Variants in SLIT2 observed in about 807,000 individuals in gnomAD.
SLIT2 encodes the protein slit homolog 2 protein.
In SLIT2, 41 loss-of-function variants were observed where a neutral mutation model predicts 185.7. The observed-to-expected ratio is 0.22, with a 90% confidence interval of 0.17 to 0.29. The LOEUF (loss-of-function observed/expected upper bound fraction) is 0.29, where lower values mean the gene tolerates loss of function less well. Ranked by LOEUF, SLIT2 falls within the 10% of genes least tolerant of loss-of-function variation. The probability of loss-of-function intolerance (pLI) is 1.00; values close to 1 mark genes in which losing one functional copy is unlikely to be tolerated. For missense variants in SLIT2, 1,571 were observed against 1,909.0 expected (o/e 0.82, Z 3.30); for synonymous variants, 693 against 680.2 (o/e 1.02, Z -0.29).
chr4:20,443,514 A>G (rs779795326), intron 4 of SLIT2, among the ~76,000 whole-genome samples: 1 of 145,838 alleles, frequency 6.9e-6, no homozygotes, highest in Admixed American at 7.3e-5. Context: ...TCATTCATTC[A>G]TTCATCACAA....
At chr4:20,348,030 T>C (rs1721566002) in intron 4 of SLIT2, among the ~76,000 whole-genome samples, 1 of 152,254 alleles carries the variant, frequency 6.6e-6, no homozygotes, top group Non-Finnish European at 1.5e-5. Context: ...TGGATGCTGT[T>C]GGTATAATCT....
At chr4:20,566,816 TAC>T (rs1332556299) in intron 26 of SLIT2, among the ~76,000 whole-genome samples, 1 of 152,168 alleles carries the variant, frequency 6.6e-6, no homozygotes, top group Non-Finnish European at 1.5e-5. Context: ...TGTATTTAAT[TAC>T]AGTGTTAAAT....
At chr4:20,554,001 G>T in intron 26 of SLIT2, 33 bp downstream of exon 26, 1 of 1,504,232 alleles carries the variant, frequency 6.6e-7, no homozygotes, top group Non-Finnish European at 9.0e-7. Flanking sequence ...TTTCTTTTAA[G>T]AATTACTATA....
intron 4 of SLIT2, among the ~76,000 whole-genome samples, chr4:20,330,264 T>G (rs1163904815): frequency 2.0e-5 from 3 of 152,028 alleles, no homozygotes; most frequent in African/African-American, 7.2e-5. Context: ...ATGGCTCAAA[T>G]TAGAAGGTCC....
At chr4:20,380,036 G>C (rs1480786932) in intron 4 of SLIT2, among the ~76,000 whole-genome samples, 2 of 152,118 alleles carry the variant, frequency 1.3e-5, no homozygotes, top group Non-Finnish European at 1.5e-5. Flanking sequence ...TGACTGTGAT[G>C]AAACTAGGTA....
In SLIT2 at chr4:20,589,649, T is replaced by C. The variant is rs1369788494; in HGVS notation, c.3094T>C (p.Leu1032=). 1.2e-6 allele frequency: 2 copies of C among 1,613,558 alleles called. No individual in the cohort carries two copies. Among genetic ancestry groups the C allele is most frequent in the Non-Finnish European group, 1.7e-6 (2 of 1,179,662 alleles). The part of the protein sequence containing the change: ...CLCPPEYTGE[L]CEEKLDFCAQ... Reference sequence around the variant, plus strand: ...CACTGTTTGCCCTGTTGCAGGTGAGTTGTGTGAGGAGAAGCTGGACTTCTG... The same window carrying C: ...CACTGTTTGCCCTGTTGCAGGTGAGCTGTGTGAGGAGAAGCTGGACTTCTG... Residue 1032 remains leucine, a synonymous_variant, in exon 30 of 37, where the codon TTG becomes CTG. Coordinates refer to ENST00000504154, the MANE Select transcript of SLIT2 (RefSeq NM_004787.4).
chr4:20,363,487 G>T (rs977800290), intron 4 of SLIT2, among the ~76,000 whole-genome samples: 2 of 152,048 alleles, frequency 1.3e-5, no homozygotes, highest in African/African-American at 4.8e-5. Context: ...GTAAAAGTAG[G>T]ACCACCTGTT....
chr4:20,256,604 T>A, intron 1 of SLIT2, 68 bp from the exon 2 acceptor site: 1 of 799,860 alleles, frequency 1.3e-6, no homozygotes, highest in South Asian at 1.6e-5. Flanking sequence ...TGATTTACTC[T>A]AAACTTTACT....
intron 9 of SLIT2, among the ~76,000 whole-genome samples, chr4:20,504,362 C>T (rs1390794545): frequency 3.9e-5 from 6 of 152,216 alleles, no homozygotes; most frequent in Admixed American, 1.3e-4. Flanking sequence ...ATGGAGAAAA[C>T]GCGAAGAAGT....
At chr4:20,518,147 A>G (rs990195293) in intron 11 of SLIT2, among the ~76,000 whole-genome samples, 4 of 146,276 alleles carry the variant, frequency 2.7e-5, no homozygotes, top group Non-Finnish European at 6.0e-5. Context: ...ATATTTATAT[A>G]TATACATATA....
At chr4:20,371,963 A>G (rs1262773558) in intron 4 of SLIT2, among the ~76,000 whole-genome samples, 1 of 152,238 alleles carries the variant, frequency 6.6e-6, no homozygotes, top group Non-Finnish European at 1.5e-5. Flanking sequence ...ACTGCTTTTT[A>G]GGACTATTCT....
At chr4:20,376,361 T>C (rs1164067768) in intron 4 of SLIT2, among the ~76,000 whole-genome samples, 1 of 152,002 alleles carries the variant, frequency 6.6e-6, no homozygotes, top group East Asian at 1.9e-4. Context: ...CAGTGACCCA[T>C]AGATGACCCT....
At chr4:20,287,911 T>C (rs903177035) in intron 4 of SLIT2, among the ~76,000 whole-genome samples, 2 of 152,174 alleles carry the variant, frequency 1.3e-5, no homozygotes, top group African/African-American at 4.8e-5. Context: ...TATGTATTGA[T>C]GTTTAAGTTT....
intron 4 of SLIT2, among the ~76,000 whole-genome samples, chr4:20,413,639 AATG>A (rs1727426069): frequency 6.6e-6 from 1 of 151,996 alleles, no homozygotes; most frequent in Non-Finnish European, 1.5e-5. Context: ...GTGTCATGTT[AATG>A]ATTTTCATGT....
intron 4 of SLIT2, among the ~76,000 whole-genome samples, chr4:20,272,818 C>T (rs571510719): frequency 6.6e-6 from 1 of 151,518 alleles, no homozygotes; most frequent in South Asian, 2.1e-4. Context: ...TTCTCTACTT[C>T]TTTGAATGAA....
At chr4:20,483,970 T>A (rs1482913029) in intron 6 of SLIT2, among the ~76,000 whole-genome samples, 1 of 152,080 alleles carries the variant, frequency 6.6e-6, no homozygotes, top group Non-Finnish European at 1.5e-5. Context: ...TGAGTATCAG[T>A]ATCAGTACTT....
intron 6 of SLIT2, among the ~76,000 whole-genome samples, chr4:20,485,844 C>A (rs1028456328): frequency 6.6e-6 from 1 of 152,158 alleles, no homozygotes; most frequent in Admixed American, 6.5e-5. Flanking sequence ...TGCCACTCTA[C>A]GGAAATGTAA....
intron 4 of SLIT2, among the ~76,000 whole-genome samples, chr4:20,438,784 C>G (rs949550249): frequency 6.6e-6 from 1 of 152,214 alleles, no homozygotes; most frequent in Non-Finnish European, 1.5e-5. Flanking sequence ...GGCCTTTGCA[C>G]TGGCCATTCG....
Position 20,257,885 on chromosome 4 carries a change from A to C in SLIT2, c.269A>C (p.Lys90Thr). 2 of 1,564,680 alleles carry C rather than the reference A, an allele frequency of 1.3e-6. No individual in the cohort carries two copies. Among genetic ancestry groups the C allele is most frequent in the South Asian group, 2.2e-5 (2 of 89,074 alleles). Residue 90 changes from lysine (K) to threonine (T), a missense_variant, in exon 3 of 37, where the codon AAG (lysine) becomes ACG (threonine). Coordinates refer to ENST00000504154, the MANE Select transcript of SLIT2 (RefSeq NM_004787.4). ...CATTTCAGTCAGCTTATGGAGAATA[A>C]GATTAGCACCATTGAAAGAGGAGCA... ...HLRVLQLMENKISTIERGAFQ... is the reference protein window; with the variant it reads ...HLRVLQLMENTISTIERGAFQ...
Sources: allele counts gnomAD v4.1 joint callset (sites outside exome capture counted in the v4.1 genomes callset), GRCh38; gene constraint gnomAD v4.1.1; transcripts MANE v1.5; gene names NCBI Gene and HGNC (gene_info 2026-07-23, HGNC 2026-07-21).